The following GRK3 variants were observed in gnomAD, a reference collection of about 807,000 sequenced individuals.
GRK3 encodes the protein adrenergic, beta, receptor kinase 2.
GRK3 carries 54 observed loss-of-function variants against 95.7 expected under a neutral mutation model. The ratio of observed to expected loss-of-function variants is 0.56; its 90% CI spans 0.45 to 0.71. The LOEUF is 0.71. Ranked by LOEUF, GRK3 falls within the 30% of genes least tolerant of loss-of-function variation. GRK3 has a pLI of 0.00. For synonymous variants in GRK3, 281 were observed against 290.8 expected (o/e 0.97, Z 0.34); for missense variants, 649 against 851.2 (o/e 0.76, Z 2.96).
At chr22:25,702,703 T>A (rs992103325) in intron 13 of GRK3, 1 of 379,966 alleles carries the variant, frequency 2.6e-6, no homozygotes, top group African/African-American at 2.1e-5. Context: ...GTAAGAGTTA[T>A]CTTTATTAAT....
intron 1 of GRK3, among the ~76,000 whole-genome samples, chr22:25,574,526 T>G (rs1372884667): frequency 1.3e-5 from 2 of 152,216 alleles, no homozygotes; most frequent in African/African-American, 4.8e-5. Context: ...AACTAAAAGT[T>G]GCATGGAATG....
chr22:25,708,816 C>T (rs2085321256), intron 15 of GRK3, among the ~76,000 whole-genome samples: 1 of 151,646 alleles, frequency 6.6e-6, no homozygotes, highest in African/African-American at 2.4e-5. Context: ...CGCCTGCCAC[C>T]ATGCCCAGCT....
chr22:25,593,228 T>G (rs529506166), intron 1 of GRK3, among the ~76,000 whole-genome samples: 2 of 152,230 alleles, frequency 1.3e-5, no homozygotes, highest in Non-Finnish European at 2.9e-5. Flanking sequence ...TGAATGGTAC[T>G]TCTTTGTTAA....
chr22:25,595,395 C>A (rs1447593114), intron 1 of GRK3, among the ~76,000 whole-genome samples: 1 of 152,104 alleles, frequency 6.6e-6, no homozygotes, highest in Admixed American at 6.5e-5. Flanking sequence ...AAATGCAGTC[C>A]CATTTACAGT....
chr22:25,613,797 AG>A, intron 2 of GRK3, among the ~76,000 whole-genome samples: 1 of 152,334 alleles, frequency 6.6e-6, no homozygotes, highest in East Asian at 1.9e-4. Flanking sequence ...ATGCCCCCGC[AG>A]TGCAGCCTCT....
chr22:25,720,707 C>T (rs934285622), intron 19 of GRK3, among the ~76,000 whole-genome samples: 1 of 152,058 alleles, frequency 6.6e-6, no homozygotes, highest in Non-Finnish European at 1.5e-5. Flanking sequence ...GAGCTCTTGA[C>T]CTCGTGATGC....
intron 10 of GRK3, among the ~76,000 whole-genome samples, chr22:25,687,199 C>A (rs184577110): frequency 2.0e-4 from 31 of 151,500 alleles, no homozygotes; most frequent in African/African-American, 7.3e-4. Flanking sequence ...TTGGATCACT[C>A]CATGGGTTGA....
chr22:25,702,874 C>T (rs1173742063), intron 13 of GRK3: 1 of 456,056 alleles, frequency 2.2e-6, no homozygotes, highest in African/African-American at 2.0e-5. Context: ...TTCTATGTGG[C>T]TGACAGTCAC....
chr22:25,575,994 A>C (rs1311102292), intron 1 of GRK3, among the ~76,000 whole-genome samples: 1 of 152,224 alleles, frequency 6.6e-6, no homozygotes, highest in Non-Finnish European at 1.5e-5. Context: ...TCTGGTTCTT[A>C]TTTTAAGATT....
At chr22:25,657,613 A>G (rs1328435504) in intron 3 of GRK3, among the ~76,000 whole-genome samples, 2 of 151,966 alleles carry the variant, frequency 1.3e-5, no homozygotes, top group African/African-American at 4.8e-5. Context: ...TTTTTCCCTC[A>G]TTCTGACAGC....
At chr22:25,581,068 T>C (rs1161081788) in intron 1 of GRK3, 1 of 151,988 alleles carries the variant, frequency 6.6e-6, no homozygotes, top group East Asian at 1.9e-4. Context: ...TGAGCTGAGA[T>C]TGCACTCCTG....
chr22:25,677,667 T>C (rs1200546084), intron 8 of GRK3, among the ~76,000 whole-genome samples: 1 of 152,232 alleles, frequency 6.6e-6, no homozygotes, highest in Non-Finnish European at 1.5e-5. Flanking sequence ...TGATAAGTTA[T>C]GATCAACAAG....
Position 25,722,284 on chromosome 22 carries a change from C to G in GRK3, c.1906-5C>G, listed in dbSNP as rs978272659. 58 of 1,613,918 alleles carry G rather than the reference C, an allele frequency of 3.6e-5. No homozygotes were observed. Among genetic ancestry groups the G allele is most frequent in the Non-Finnish European group, 4.7e-5 (56 of 1,179,938 alleles). Reference sequence around the variant, plus strand: ...CACAACGGCTGCCTTTGTATTCCCCCTCAGAGTGATCCAGAGTTTGTGCAG... The same window carrying G: ...CACAACGGCTGCCTTTGTATTCCCCGTCAGAGTGATCCAGAGTTTGTGCAG... On this transcript the variant is annotated splice_region_variant and splice_polypyrimidine_tract_variant and intron_variant, in intron 20 of 20. Coordinates refer to ENST00000324198, the MANE Select transcript of GRK3 (RefSeq NM_005160.4).
intron 12 of GRK3, among the ~76,000 whole-genome samples, chr22:25,692,087 C>G (rs996263399): frequency 6.6e-6 from 1 of 152,144 alleles, no homozygotes; most frequent in Non-Finnish European, 1.5e-5. Flanking sequence ...CCTCAGCTTC[C>G]CAGGTAGCTG....
intron 2 of GRK3, among the ~76,000 whole-genome samples, chr22:25,611,458 A>G (rs372248008): frequency 2.0e-5 from 3 of 152,312 alleles, no homozygotes; most frequent in East Asian, 1.9e-4. Context: ...TGAGCATTCC[A>G]GGTTTACTAT....
chr22:25,619,814 G>C (rs1432109128), intron 2 of GRK3, among the ~76,000 whole-genome samples: 1 of 151,916 alleles, frequency 6.6e-6, no homozygotes, highest in Non-Finnish European at 1.5e-5. Context: ...GTCTTAAGGG[G>C]CAGCAGCAGG....
chr22:25,641,660 G>A (rs1219565237), intron 2 of GRK3, among the ~76,000 whole-genome samples: 5 of 152,346 alleles, frequency 3.3e-5, no homozygotes, highest in Admixed American at 3.3e-4. Context: ...CAAGGAAAGG[G>A]ATATGTGAAG....
At chr22:25,647,244 C>T in intron 3 of GRK3, 2 of 807,154 alleles carry the variant, frequency 2.5e-6, no homozygotes, top group Admixed American at 2.2e-5. Flanking sequence ...AGAGCACAGC[C>T]AGAGGACAGA....
Position 25,727,074 on chromosome 22 carries a change from A to G in GRK3, c.*4624A>G, listed in dbSNP as rs908640450. On this transcript the variant is annotated 3_prime_UTR_variant, in exon 21 of 21. Coordinates refer to ENST00000324198, the MANE Select transcript of GRK3 (RefSeq NM_005160.4). Reference sequence around the variant, plus strand: ...CTGAAGTCCTGGTAAAACTGTCAAGAGTAACAGGCCTCTTCTGTTCTACCC... The same window carrying G: ...CTGAAGTCCTGGTAAAACTGTCAAGGGTAACAGGCCTCTTCTGTTCTACCC... 6.6e-6 allele frequency: 1 copy of G among 152,146 alleles called. No individual in the cohort carries two copies. Among genetic ancestry groups the G allele is most frequent in the African/African-American group, 2.4e-5 (1 of 41,410 alleles). 9.4% of individuals were successfully genotyped at this position (152,146 alleles called of 1,614,324 possible). A position where few individuals can be genotyped will look rare whatever the true frequency, so the allele number is the denominator to read the frequency against.
Sources: gnomAD v4.1 joint callset for allele counts (sites outside exome capture counted in the v4.1 genomes callset) on GRCh38, gnomAD v4.1.1 for gene constraint, MANE v1.5 for transcripts, NCBI Gene and HGNC (gene_info 2026-07-23, HGNC 2026-07-21) for gene names.